Variants in ISLR2 observed in about 807,000 individuals in gnomAD.
The protein encoded by ISLR2 is immunoglobulin superfamily containing leucine-rich repeat protein 2.
A neutral mutation model predicts 25.5 loss-of-function variants in ISLR2; 16 were observed. The observed-to-expected ratio is 0.63, with a 90% CI of 0.43 to 0.95. ISLR2 has a LOEUF of 0.95. ISLR2 is among the 40% of genes least tolerant of loss of function. The pLI, the probability that ISLR2 is intolerant of heterozygous loss-of-function variation, is 0.00. For synonymous variants in ISLR2, 508 were observed against 486.6 expected, an observed-to-expected ratio of 1.04 and a Z score of -0.58; for missense variants, 883 against 1,030.7, an observed-to-expected ratio of 0.86 and a Z score of 1.96.
In ISLR2 at chr15:74,135,691, C is replaced by G. The variant is rs138692523; in HGVS notation, c.*699C>G. The G allele has an allele frequency of 2.0e-5, 3 of 153,296 alleles. No individual in the cohort carries two copies. The South Asian group carries it at 6.3e-4, about 32-fold the overall frequency. The allele number at this position is 153,296 out of a possible 1,614,324, so 9.5% of individuals were successfully genotyped here. ...TAATTTCTTCTATTTTTAGTAGAGA[C>G]GGGGTTTCACCATGTTGGCCAGGAT... On this transcript the variant is annotated 3_prime_UTR_variant, in exon 3 of 3. Coordinates refer to ENST00000453268, the MANE Select transcript of ISLR2 (RefSeq NM_020851.3).
Position 74,133,898 on chromosome 15 carries a change from C to T in ISLR2, c.1144C>T (p.Pro382Ser), listed in dbSNP as rs1218133945. 1 of 1,606,464 alleles carries T rather than the reference C, an allele frequency of 6.2e-7. No homozygotes were observed. The highest frequency in any genetic ancestry group is 1.1e-5 in the South Asian group (1 of 90,058). The change falls in exon 3 of 3, where the codon CCT (proline) becomes TCT (serine). Residue 382 changes from proline to serine, a missense_variant. Coordinates refer to ENST00000453268, the MANE Select transcript of ISLR2 (RefSeq NM_020851.3). Reference protein sequence around the residue: ...VAATGPPKHAPGAGGEPDGQA... With the variant: ...VAATGPPKHASGAGGEPDGQA... ...AGCAACCGGGCCCCCAAAACACGCGCCTGGCGCCGGGGGAGAACCCGACGG... is the reference window on the plus strand; with the variant it reads ...AGCAACCGGGCCCCCAAAACACGCGTCTGGCGCCGGGGGAGAACCCGACGG...
At position 74,134,305 on chromosome 15, in the gene ISLR2, C is replaced by T. The variant is rs2072512421; in HGVS notation, c.1551C>T (p.Gly517=). The T allele has an allele frequency of 2.6e-6, 4 of 1,527,878 alleles. No individual in the cohort carries two copies. The highest frequency in any genetic ancestry group is 2.5e-5 in the East Asian group (1 of 40,772). 94.6% of individuals were successfully genotyped at this position (1,527,878 alleles called of 1,614,324 possible). A position where few individuals can be genotyped will look rare whatever the true frequency, so the allele number is the denominator to read the frequency against. ...GGGGCCCTGGGCCCGGCGGGGCTGG[C>T]GGAGCCCCGCGACCCGGGCGGCGAC... ...ARWGPGPGGA[G]GAPRPGRRPL... Residue 517 remains glycine, a synonymous_variant, in exon 3 of 3, where the codon GGC becomes GGT. Coordinates refer to ENST00000453268, the MANE Select transcript of ISLR2 (RefSeq NM_020851.3).
downstream of ISLR2, among the ~76,000 whole-genome samples, chr15:74,141,392 T>G (rs1434027815): frequency 2.6e-5 from 4 of 152,194 alleles, no homozygotes; most frequent in African/African-American, 9.6e-5. Context: ...AGAGAAAAAT[T>G]TCTATGATTA....
rs2072437806 is a variant in ISLR2 at position 74,132,262 on chromosome 15, C to T, written c.-8-485C>T. Among the ~76,000 whole-genome samples the T allele has an allele frequency of 6.6e-6, 1 of 152,182 alleles. No homozygotes were observed. Among genetic ancestry groups the T allele is most frequent in the Non-Finnish European group, 1.5e-5 (1 of 68,028 alleles). On this transcript the variant is annotated intron_variant, in intron 2 of 2. Transcript: ENST00000453268. This position sits in a 1 kb window ranked among gnomAD's most constrained non-coding sequence, Gnocchi z 4.3. ...AGAAGTTGGCGGTTTGATTATGAAG[C>T]CCCGCGTCTGTTTGTATTGTTGTGT... is the stretch of plus-strand genomic sequence containing the variant.
chr15:74,136,552 G>A lies in ISLR2; in HGVS notation c.*1560G>A. 6.3e-6 allele frequency: 1 copy of A among 158,902 alleles called. No individual in the cohort carries two copies. The allele number at this position is 158,902 out of a possible 1,614,324, so 9.8% of individuals were successfully genotyped here. A position where few individuals can be genotyped will look rare whatever the true frequency, so the allele number is the denominator to read the frequency against. On this transcript the variant is annotated 3_prime_UTR_variant, in exon 3 of 3. Coordinates refer to ENST00000453268, the MANE Select transcript of ISLR2 (RefSeq NM_020851.3). ...GTGAAGTGTGACCGTGTAGTGTAGGGGGGCGGGCGGGGGGGCGGATGGGCG... is the reference window on the plus strand; with the variant it reads ...GTGAAGTGTGACCGTGTAGTGTAGGAGGGCGGGCGGGGGGGCGGATGGGCG...
At position 74,134,181 on chromosome 15, in the gene ISLR2, G is replaced by A. The variant is rs762551294; in HGVS notation, c.1427G>A (p.Ser476Asn). 3 of 1,612,210 alleles carry A rather than the reference G, an allele frequency of 1.9e-6. No individual in the cohort carries two copies. Among genetic ancestry groups the A allele is most frequent in the Admixed American group, 3.3e-5 (2 of 59,816 alleles). ...RYVSNHAFNQ[S>N]AELKPHVFEL... ...GTTTCTAACCACGCGTTCAACCAGA[G>A]CGCAGAGCTCAAGCCGCACGTCTTC... Residue 476 changes from serine (S) to asparagine (N), a missense_variant, in exon 3 of 3, where the codon AGC (serine) becomes AAC (asparagine). By Grantham distance (46) the Ser-to-Asn change is conservative (BLOSUM62 1). Transcript: ENST00000453268.
chr15:74,103,862 G>A (rs1046293096), exon 2 of ISLR2: 10 of 148,704 alleles, frequency 6.7e-5, no homozygotes, highest in Non-Finnish European at 8.9e-5. Context: ...CCCTTTGCTC[G>A]GCTCTCCTTC....
upstream of ISLR2, chr15:74,126,302 G>C (rs75310392): frequency 6.6e-6 from 1 of 150,648 alleles, no homozygotes; most frequent in South Asian, 2.1e-4. Flanking sequence ...AGTGCTTTGC[G>C]TACATTGATT....
Position 74,133,975 on chromosome 15 carries a change from C to T in ISLR2, c.1221C>T (p.Ser407=). The change falls in exon 3 of 3, where the codon AGC becomes AGT. Residue 407 remains serine (S), a synonymous_variant. Transcript: ENST00000453268. The part of the protein sequence containing the change: ...RKSTAKGRGN[S]VLPSKPEGKI... ...CCACAGCCAAGGGCCGGGGCAACAG[C>T]GTCCTGCCTTCCAAACCCGAGGGCA... is the stretch of plus-strand genomic sequence containing the variant. 6.2e-7 allele frequency: 1 copy of T among 1,610,294 alleles called. No individual in the cohort carries two copies. The highest frequency in any genetic ancestry group is 8.5e-7 in the Non-Finnish European group (1 of 1,178,382).
At chr15:74,117,292 T>G (rs1669157676) in intron 2 of ISLR2, among the ~76,000 whole-genome samples, 1 of 152,204 alleles carries the variant, frequency 6.6e-6, no homozygotes, top group Non-Finnish European at 1.5e-5. Context: ...CCATGAGCTA[T>G]AGGTCTCAAT....
rs777224671 is a variant in ISLR2 at position 74,134,795 on chromosome 15, G to C, written c.2041G>C (p.Ala681Pro). The stretch of plus-strand genomic sequence containing the variant: ...GCAGGGGGAGGGCCTTGATGAAGAC[G>C]CGGAGCAGGGAGACCCAAGTGGGGA... ...DVQGEGLDEDAEQGDPSGDLQ... is the reference protein window; with the variant it reads ...DVQGEGLDEDPEQGDPSGDLQ... Residue 681 changes from alanine to proline, a missense_variant, in exon 3 of 3, where the codon GCG (alanine) becomes CCG (proline). Physicochemically the swap from Ala to Pro is conservative, Grantham distance 27. This residue lies in a region of ISLR2 where 612 missense variants were observed against 642.8 expected (regional missense o/e 0.95). Transcript: ENST00000453268. The C allele has an allele frequency of 6.2e-7, 1 of 1,614,068 alleles. No individual in the cohort carries two copies. The highest frequency in any genetic ancestry group is 1.7e-5 in the Admixed American group (1 of 60,028).
chr15:74,110,017 C>T (rs2072153700), intron 2 of ISLR2, among the ~76,000 whole-genome samples: 1 of 152,138 alleles, frequency 6.6e-6, no homozygotes, highest in Non-Finnish European at 1.5e-5. Flanking sequence ...TGGTCTTGAA[C>T]TCCTTGGCTC....
chr15:74,115,161 A>T (rs1298999821), intron 2 of ISLR2, among the ~76,000 whole-genome samples: 1 of 152,230 alleles, frequency 6.6e-6, no homozygotes, highest in Non-Finnish European at 1.5e-5. Flanking sequence ...AACACCTCAT[A>T]ATACTTAGGA....
At chr15:74,103,960 T>G in intron 2 of ISLR2, 1 of 152,160 alleles carries the variant, frequency 6.6e-6, no homozygotes, top group Non-Finnish European at 1.5e-5. Flanking sequence ...TGTGAGTCAA[T>G]TTAAACCTCT....
upstream of ISLR2, chr15:74,129,041 C>T (rs1323953004): frequency 2.2e-6 from 1 of 456,728 alleles, no homozygotes; most frequent in East Asian, 7.0e-5. The surrounding 1 kb of genome is among the most constrained non-coding windows in gnomAD (Gnocchi z 4.5). Context: ...TCTCACCCCT[C>T]GACCATTTTC....
chr15:74,115,754 A>G (rs2072205111), intron 2 of ISLR2, among the ~76,000 whole-genome samples: 1 of 152,124 alleles, frequency 6.6e-6, no homozygotes, highest in South Asian at 2.1e-4. Context: ...AAATAAATCA[A>G]TGGAAATAGG....
chr15:74,113,627 G>A (rs767497858), intron 2 of ISLR2, among the ~76,000 whole-genome samples: 1 of 152,160 alleles, frequency 6.6e-6, no homozygotes, highest in Non-Finnish European at 1.5e-5. Flanking sequence ...TTGCTGTTGG[G>A]TTAACTTGAT....
rs765091706 is a variant in ISLR2 at position 74,134,026 on chromosome 15, G to T, written c.1272G>T (p.Lys424Asn). 1.7e-5 allele frequency: 28 copies of T among 1,613,354 alleles called. No homozygotes were observed. The highest frequency in any genetic ancestry group is 2.1e-5 in the Non-Finnish European group (25 of 1,179,780). Residue 424 changes from lysine to asparagine, a missense_variant, in exon 3 of 3, where the codon AAG becomes AAT. Coordinates refer to ENST00000453268, the MANE Select transcript of ISLR2 (RefSeq NM_020851.3). ...AAATCAAAGGCCAAGGCCTGGCCAA[G>T]GTCAGCATTCTCGGGGAGACCGAGA... ...EGKIKGQGLA[K>N]VSILGETETE...
At position 74,132,668 on chromosome 15, in the gene ISLR2, G is replaced by T; in HGVS notation, c.-8-79G>T. On this transcript the variant is annotated intron_variant, in intron 2 of 2. Coordinates refer to ENST00000453268, the MANE Select transcript of ISLR2 (RefSeq NM_020851.3). This position sits in a 1 kb window ranked among gnomAD's most constrained non-coding sequence, Gnocchi z 4.3. ...GGAACTAGTGCTAAACGGGCTTGCG[G>T]AGGCACAGCTTGATAGGGGAGGTAA... is the stretch of plus-strand genomic sequence containing the variant. 6.6e-7 allele frequency: 1 copy of T among 1,506,778 alleles called. No individual in the cohort carries two copies. Among genetic ancestry groups the T allele is most frequent in the Non-Finnish European group, 8.9e-7 (1 of 1,127,590 alleles). 93.3% of individuals were successfully genotyped at this position (1,506,778 alleles called of 1,614,324 possible).
Sources: allele counts gnomAD v4.1 joint callset (sites outside exome capture counted in the v4.1 genomes callset), GRCh38; gene constraint gnomAD v4.1.1; regional missense constraint gnomAD v4.1.1; non-coding constraint Gnocchi (gnomAD v3.1); transcripts MANE v1.5; gene names NCBI Gene and HGNC (gene_info 2026-07-23, HGNC 2026-07-21).